The following ZFP64 variants were observed in gnomAD, a reference collection of about 807,000 sequenced individuals.
The protein encoded by ZFP64 is zinc finger protein 64.
In ZFP64, 14 loss-of-function variants were observed where a neutral mutation model predicts 51.6. The ratio of observed to expected loss-of-function variants is 0.27; its 90% CI spans 0.18 to 0.42. The LOEUF is 0.42. Among genes scored for constraint, ZFP64 ranks in the 10% least tolerant of loss-of-function variants. The pLI, the probability that ZFP64 is intolerant of heterozygous loss-of-function variation, is 1.00. For missense variants in ZFP64, 754 were observed against 906.8 expected, an observed-to-expected ratio of 0.83 and a Z score of 2.16; for synonymous variants, 375 against 361.4, an observed-to-expected ratio of 1.04 and a Z score of -0.43.
At chr20:52,115,273 A>G (rs1352420667) in intron 5 of ZFP64, among the ~76,000 whole-genome samples, 2 of 151,798 alleles carry the variant, frequency 1.3e-5, no homozygotes, top group Non-Finnish European at 2.9e-5. Context: ...GATATATTGC[A>G]TTAAAGAAAA....
intron 5 of ZFP64, among the ~76,000 whole-genome samples, chr20:52,145,209 C>G (rs972537808): frequency 6.6e-6 from 1 of 152,158 alleles, no homozygotes; most frequent in African/African-American, 2.4e-5. Flanking sequence ...CAGTCGTTGC[C>G]ACTTATCAAC....
At chr20:52,181,737 C>T (rs149031493) in intron 2 of ZFP64, among the ~76,000 whole-genome samples, 77 of 152,250 alleles carry the variant, frequency 5.1e-4, no homozygotes, top group African/African-American at 1.7e-3. Flanking sequence ...ACCTGAGCCT[C>T]GGCTCCAGAC....
At chr20:52,190,701 A>G (rs939963849) in intron 1 of ZFP64, among the ~76,000 whole-genome samples, 1 of 152,116 alleles carries the variant, frequency 6.6e-6, no homozygotes, top group African/African-American at 2.4e-5. Flanking sequence ...TTTCACAGTA[A>G]TGCAAGGAAT....
chr20:52,149,391 T>C (rs1180622010), downstream of ZFP64, among the ~76,000 whole-genome samples: 2 of 152,032 alleles, frequency 1.3e-5, no homozygotes, highest in African/African-American at 4.8e-5. Context: ...AAGCCTGGCA[T>C]GTCTCTAACA....
rs773599832 is a variant in ZFP64, at chr20:52,191,277, G to A, written c.46+314C>T. 1.3e-5 allele frequency among the ~76,000 whole-genome samples: 2 copies of A among 152,182 alleles called. No homozygotes were observed. The highest frequency in any genetic ancestry group is 2.9e-5 in the Non-Finnish European group (2 of 68,028). On this transcript the variant is annotated intron_variant, in intron 1 of 5. Transcript: ENST00000216923. The surrounding 1 kb of genome is among the most constrained non-coding windows in gnomAD (Gnocchi z 4.3). ...CTCCTGCCCGCCCCAAACTCCGCCTGATGGGGCGGGAATGCCCTTAGGGGG... is the reference window on the plus strand; with the variant it reads ...CTCCTGCCCGCCCCAAACTCCGCCTAATGGGGCGGGAATGCCCTTAGGGGG...
intron 8 of ZFP64, among the ~76,000 whole-genome samples, chr20:52,086,635 GC>G (rs1277285464): frequency 6.6e-6 from 1 of 151,868 alleles, no homozygotes; most frequent in Non-Finnish European, 1.5e-5. Flanking sequence ...CCGCCACCAC[GC>G]CCAGCTAATT....
rs763019627 is a variant in ZFP64 at position 52,152,458 on chromosome 20, G to A, written c.1734C>T (p.Asp578=). 13 of 1,613,744 alleles carry A rather than the reference G, an allele frequency of 8.1e-6. No individual in the cohort carries two copies. The highest frequency in any genetic ancestry group is 7.7e-5 in the South Asian group (7 of 91,068). Residue 578 remains aspartate (D), a synonymous_variant, in exon 6 of 6, where the codon GAC becomes GAT. Transcript: ENST00000216923. ...TGAGAGTCTGGTGCAGAGTGGCTCC[G>A]TCCGTCTGCTCGTGGGTGGTCAGCA... The part of the protein sequence containing the change: ...AVLLTTHEQT[D]GATLHQTLIP...
intron 7 of ZFP64, chr20:52,089,045 C>CT (rs1568939878): frequency 3.9e-6 from 2 of 519,352 alleles, no homozygotes; most frequent in Admixed American, 1.9e-5. Flanking sequence ...GGCATCTCCC[C>CT]CTAGGCTGTT....
chr20:52,144,650 T>C (rs1005503995), intron 5 of ZFP64, among the ~76,000 whole-genome samples: 2 of 108,652 alleles, frequency 1.8e-5, no homozygotes, highest in African/African-American at 3.5e-5. Flanking sequence ...GAGAAATAAA[T>C]AAAAGCAAAA....
rs552114339 is a variant in ZFP64, at chr20:52,185,071, T to G, written c.286+1761A>C. On this transcript the variant is annotated intron_variant, in intron 2 of 5. Coordinates refer to ENST00000216923, the MANE Select transcript of ZFP64 (RefSeq NM_018197.3). ...CAGAGTCTCACTCTGTTGCCCAGGCTGGAGTGCAGTGGCACGATCTCAGCT... is the reference window on the plus strand; with the variant it reads ...CAGAGTCTCACTCTGTTGCCCAGGCGGGAGTGCAGTGGCACGATCTCAGCT... Among the ~76,000 whole-genome samples the G allele has an allele frequency of 3.9e-5, 6 of 152,354 alleles. No individual in the cohort carries two copies. The South Asian group carries it at 1.2e-3, about 32-fold the overall frequency.
intron 5 of ZFP64, among the ~76,000 whole-genome samples, chr20:52,136,627 A>C (rs1183206347): frequency 1.3e-5 from 2 of 152,208 alleles, no homozygotes; most frequent in African/African-American, 4.8e-5. Context: ...AAAAATTCAT[A>C]ATCATAAAGA....
At chr20:52,175,461 G>C (rs1373079768) in intron 2 of ZFP64, among the ~76,000 whole-genome samples, 1 of 152,152 alleles carries the variant, frequency 6.6e-6, no homozygotes, top group Non-Finnish European at 1.5e-5. Flanking sequence ...ATTTTTTTGT[G>C]TATGTTGTTT....
intron 5 of ZFP64, among the ~76,000 whole-genome samples, chr20:52,119,533 A>AATATATATATAT (rs71192595): frequency 2.2e-5 from 2 of 89,840 alleles, no homozygotes; most frequent in African/African-American, 9.5e-5. Flanking sequence ...AAAAAAAAAA[A>AATATATATATAT]ATATATATAT....
chr20:52,184,641 T>A (rs528679749), intron 2 of ZFP64, among the ~76,000 whole-genome samples: 1 of 134,256 alleles, frequency 7.4e-6, no homozygotes, highest in South Asian at 2.2e-4. Flanking sequence ...TTTTATTTTA[T>A]TTAAGAAACA....
intron 6 of ZFP64, among the ~76,000 whole-genome samples, chr20:52,098,253 A>C (rs2079013055): frequency 6.6e-6 from 1 of 151,262 alleles, no homozygotes; most frequent in Admixed American, 6.6e-5. Flanking sequence ...GGTGAGTCCC[A>C]CGCTGAGCTC....
chr20:52,101,766 T>A (rs1271376697), intron 5 of ZFP64, among the ~76,000 whole-genome samples: 1 of 151,738 alleles, frequency 6.6e-6, no homozygotes, highest in Non-Finnish European at 1.5e-5. Context: ...TACTTGTAAG[T>A]CCTTGCTACT....
At chr20:52,137,041 AG>A (rs1980015560) in intron 5 of ZFP64, among the ~76,000 whole-genome samples, 1 of 152,202 alleles carries the variant, frequency 6.6e-6, no homozygotes, top group South Asian at 2.1e-4. Flanking sequence ...CTGGGATTAC[AG>A]GTGTGAGCCA....
chr20:52,163,476 A>C (rs775103892), intron 4 of ZFP64, among the ~76,000 whole-genome samples: 57 of 152,376 alleles, frequency 3.7e-4, no homozygotes, highest in Non-Finnish European at 7.1e-4. Flanking sequence ...TGGAGAGTTT[A>C]ATTGCTTATT....
At chr20:52,129,150 C>T (rs895847583) in intron 5 of ZFP64, among the ~76,000 whole-genome samples, 8 of 150,538 alleles carry the variant, frequency 5.3e-5, no homozygotes, top group Non-Finnish European at 8.9e-5. Flanking sequence ...GGCGCGATCT[C>T]GGCTCACTGC....
Sources: gnomAD v4.1 joint callset for allele counts (sites outside exome capture counted in the v4.1 genomes callset) on GRCh38, gnomAD v4.1.1 for gene constraint, Gnocchi (gnomAD v3.1) non-coding constraint, MANE v1.5 for transcripts, NCBI Gene and HGNC (gene_info 2026-07-23, HGNC 2026-07-21) for gene names.